Variants in NELL1 observed in about 807,000 individuals in gnomAD.
NELL1 encodes neural EGFL like 1, also known as protein kinase C-binding protein NELL1.
Under a neutral mutation model 107.4 loss-of-function variants are expected in NELL1, and 76 were observed. That is an observed-to-expected ratio of 0.71 (90% confidence interval 0.59 to 0.86). The LOEUF (loss-of-function observed/expected upper bound fraction) is 0.86, where lower values mean the gene tolerates loss of function less well. NELL1 is among the 40% of genes least tolerant of loss of function. NELL1 has a pLI of 0.00. For missense variants in NELL1, 1,024 were observed against 1,005.5 expected (o/e 1.02, Z -0.25); for synonymous variants, 353 against 341.2 (o/e 1.03, Z -0.38).
intron 12 of NELL1, among the ~76,000 whole-genome samples, chr11:20,987,436 C>A (rs1294759116): frequency 1.3e-5 from 2 of 152,160 alleles, no homozygotes. Flanking sequence ...TTAATTGACT[C>A]ATAGTTCTGC....
At chr11:20,864,687 G>T (rs1260468736) in intron 4 of NELL1, among the ~76,000 whole-genome samples, 1 of 152,188 alleles carries the variant, frequency 6.6e-6, no homozygotes, top group Non-Finnish European at 1.5e-5. Flanking sequence ...TTTCAACACA[G>T]GTCTTCCTTA....
intron 3 of NELL1, among the ~76,000 whole-genome samples, chr11:20,784,182 G>A (rs1055826004): frequency 2.6e-5 from 4 of 152,140 alleles, no homozygotes; most frequent in African/African-American, 9.7e-5. Flanking sequence ...CTTGACACTG[G>A]GAATATTAAG....
chr11:21,446,014 G>A (rs1304474395), intron 15 of NELL1, among the ~76,000 whole-genome samples: 1 of 151,738 alleles, frequency 6.6e-6, no homozygotes, highest in Admixed American at 6.6e-5. Flanking sequence ...TCTAGATCTT[G>A]TATACTTTTT....
At chr11:21,049,205 C>G (rs1456870624) in intron 12 of NELL1, among the ~76,000 whole-genome samples, 1 of 152,168 alleles carries the variant, frequency 6.6e-6, no homozygotes, top group African/African-American at 2.4e-5. Context: ...AGAGGCAGCT[C>G]TTCTCCACTA....
chr11:21,489,380 C>CAGAAAAAA (rs1491301138), intron 15 of NELL1, among the ~76,000 whole-genome samples: 10 of 47,798 alleles, frequency 2.1e-4, no homozygotes, highest in Admixed American at 7.6e-4. Flanking sequence ...GAAAGTATTT[C>CAGAAAAAA]AAAAAAAAAA....
chr11:20,846,702 G>T (rs1311775985), intron 3 of NELL1, among the ~76,000 whole-genome samples: 1 of 152,148 alleles, frequency 6.6e-6, no homozygotes, highest in East Asian at 1.9e-4. Context: ...GATAATACCA[G>T]TCTCAGGTTT....
chr11:20,854,852 A>G (rs572217017), intron 4 of NELL1, among the ~76,000 whole-genome samples: 1 of 152,350 alleles, frequency 6.6e-6, no homozygotes, highest in East Asian at 1.9e-4. Context: ...TGCTGAAGTA[A>G]AAGAAGCCTT....
intron 2 of NELL1, among the ~76,000 whole-genome samples, chr11:20,772,085 T>G (rs1856651717): frequency 6.6e-6 from 1 of 152,162 alleles, no homozygotes; most frequent in African/African-American, 2.4e-5. Flanking sequence ...TGTGGCAAGG[T>G]CAGGGCCAAT....
chr11:21,277,980 A>G (rs917098078), intron 14 of NELL1, among the ~76,000 whole-genome samples: 1 of 152,190 alleles, frequency 6.6e-6, no homozygotes, highest in African/African-American at 2.4e-5. Context: ...GCACACCAAC[A>G]TGGCACATGT....
At chr11:21,217,559 G>A (rs978326078) in intron 13 of NELL1, among the ~76,000 whole-genome samples, 1 of 152,098 alleles carries the variant, frequency 6.6e-6, no homozygotes, top group South Asian at 2.1e-4. Context: ...GTAGGAGATG[G>A]AATGAGGAGA....
At chr11:21,076,624 G>C (rs61880795) in intron 12 of NELL1, among the ~76,000 whole-genome samples, 67,966 of 152,026 alleles carry the variant, frequency 0.45, 15,503 homozygotes, top group African/African-American at 0.51. Flanking sequence ...GCTATAATTT[G>C]GATGCTTGTG....
At chr11:20,710,360 G>A (rs574332480) in intron 2 of NELL1, among the ~76,000 whole-genome samples, 4 of 152,244 alleles carry the variant, frequency 2.6e-5, no homozygotes, top group South Asian at 2.1e-4. Flanking sequence ...GTTGACTTGC[G>A]TATGTTAAAC....
chr11:21,076,036 C>T (rs1171556924), intron 12 of NELL1, among the ~76,000 whole-genome samples: 2 of 152,178 alleles, frequency 1.3e-5, no homozygotes, highest in Non-Finnish European at 2.9e-5. Context: ...GACATTTTAA[C>T]TGTTAACTAA....
chr11:21,374,683 A>G (rs966692766), intron 15 of NELL1, among the ~76,000 whole-genome samples: 9 of 151,926 alleles, frequency 5.9e-5, no homozygotes, highest in Admixed American at 5.9e-4. Flanking sequence ...TTATTCTCAA[A>G]CCTTGGCTCT....
At chr11:20,871,322 T>C (rs895740549) in intron 4 of NELL1, among the ~76,000 whole-genome samples, 2 of 152,156 alleles carry the variant, frequency 1.3e-5, no homozygotes, top group African/African-American at 4.8e-5. Flanking sequence ...CTGGGACACA[T>C]GGAGAATATT....
chr11:20,873,385 T>C (rs1442891652), intron 4 of NELL1, among the ~76,000 whole-genome samples: 3 of 152,238 alleles, frequency 2.0e-5, no homozygotes, highest in African/African-American at 7.2e-5. Flanking sequence ...TTGAGCCAAG[T>C]GGCTTCAATG....
intron 15 of NELL1, among the ~76,000 whole-genome samples, chr11:21,391,508 T>C (rs919246695): frequency 6.6e-6 from 1 of 151,822 alleles, no homozygotes; most frequent in African/African-American, 2.4e-5. Flanking sequence ...AATTGTGTTA[T>C]TACTTCTGCC....
At chr11:21,036,477 T>A (rs1323965862) in intron 12 of NELL1, among the ~76,000 whole-genome samples, 1 of 152,112 alleles carries the variant, frequency 6.6e-6, no homozygotes, top group Non-Finnish European at 1.5e-5. Flanking sequence ...GACTGCAAAC[T>A]ATATTACAGG....
chr11:20,785,013 A>C (rs768468887), intron 3 of NELL1, among the ~76,000 whole-genome samples: 5 of 152,232 alleles, frequency 3.3e-5, no homozygotes, highest in Admixed American at 6.5e-5. Flanking sequence ...TGGTTGAGGA[A>C]GACCATACAG....
Sources: gnomAD v4.1 joint callset for allele counts (sites outside exome capture counted in the v4.1 genomes callset) on GRCh38, gnomAD v4.1.1 for gene constraint, MANE v1.5 for transcripts, NCBI Gene and HGNC (gene_info 2026-07-23, HGNC 2026-07-21) for gene names.